SLC4A4: variants seen among roughly 807,000 people sequenced by gnomAD.
SLC4A4 encodes the protein solute carrier family 4 member 4, also known as electrogenic sodium bicarbonate cotransporter 1.
A neutral mutation model predicts 111.5 loss-of-function variants in SLC4A4; 27 were observed. The ratio of observed to expected loss-of-function variants is 0.24; its 90% confidence interval spans 0.18 to 0.33. The LOEUF (loss-of-function observed/expected upper bound fraction) is 0.33. Among genes scored for constraint, SLC4A4 ranks in the 10% least tolerant of loss-of-function variants. SLC4A4 has a pLI of 1.00. For missense variants in SLC4A4, 909 were observed against 1,315.5 expected (o/e 0.69, Z 4.78); for synonymous variants, 443 against 463.4 (o/e 0.96, Z 0.57).
intron 3 of SLC4A4, chr4:71,301,210 G>A (rs2148840087): frequency 8.3e-6 from 2 of 241,714 alleles, no homozygotes; most frequent in East Asian, 1.5e-4. Flanking sequence ...GACCTTGGGT[G>A]GCTGGTGTAG....
intron 17 of SLC4A4, among the ~76,000 whole-genome samples, chr4:71,533,603 T>TG (rs529923492): frequency 6.2e-4 from 94 of 151,958 alleles, no homozygotes; most frequent in Non-Finnish European, 1.0e-3. Context: ...AGTTTTTTTT[T>TG]GTGATTTTCC....
chr4:71,180,488 C>G (rs1159974101), intron 2 of SLC4A4, among the ~76,000 whole-genome samples: 2 of 152,154 alleles, frequency 1.3e-5, no homozygotes, highest in Non-Finnish European at 2.9e-5. Flanking sequence ...CTACATTGAA[C>G]TCCAACAAAT....
intron 12 of SLC4A4, among the ~76,000 whole-genome samples, chr4:71,462,607 C>G (rs1445635516): frequency 6.6e-6 from 1 of 151,862 alleles, no homozygotes; most frequent in Non-Finnish European, 1.5e-5. Flanking sequence ...CAGAGTTTCT[C>G]CATGTTGGCC....
intron 13 of SLC4A4, among the ~76,000 whole-genome samples, chr4:71,472,093 C>G (rs1329496971): frequency 6.6e-6 from 1 of 151,900 alleles, no homozygotes; most frequent in African/African-American, 2.4e-5. Context: ...ATTTTTTCCT[C>G]TTCCTGGCCT....
chr4:71,167,147 T>C (rs995482691), intron 2 of SLC4A4, among the ~76,000 whole-genome samples: 6 of 152,066 alleles, frequency 3.9e-5, no homozygotes, highest in South Asian at 2.1e-4. Context: ...TCGGAATCAT[T>C]TGGAGGTTCC....
intron 1 of SLC4A4, among the ~76,000 whole-genome samples, chr4:71,226,553 A>G (rs755115317): frequency 2.0e-5 from 3 of 152,240 alleles, no homozygotes; most frequent in African/African-American, 4.8e-5. Context: ...AGAGAAAATT[A>G]TATAGTTAAA....
intron 16 of SLC4A4, among the ~76,000 whole-genome samples, chr4:71,510,006 G>A (rs1185423757): frequency 6.6e-6 from 1 of 152,102 alleles, no homozygotes; most frequent in Non-Finnish European, 1.5e-5. Flanking sequence ...TAGCACCTTA[G>A]TTTGCAGGGT....
chr4:71,560,671 C>T (rs981818016), intron 23 of SLC4A4, among the ~76,000 whole-genome samples: 17 of 151,894 alleles, frequency 1.1e-4, no homozygotes, highest in Admixed American at 1.1e-3. Context: ...TCAATGATCT[C>T]ACTTCACGTG....
At chr4:71,254,807 G>A (rs1465383986) in intron 2 of SLC4A4, among the ~76,000 whole-genome samples, 1 of 152,088 alleles carries the variant, frequency 6.6e-6, no homozygotes, top group Non-Finnish European at 1.5e-5. Context: ...GCTGAAACTG[G>A]AGGGCCCTCT....
chr4:71,359,104 T>A (rs1275816086), intron 6 of SLC4A4, among the ~76,000 whole-genome samples: 1 of 152,196 alleles, frequency 6.6e-6, no homozygotes, highest in Non-Finnish European at 1.5e-5. Flanking sequence ...AACAGATGGA[T>A]CTTGGCGGCC....
intron 16 of SLC4A4, among the ~76,000 whole-genome samples, chr4:71,501,990 C>A (rs1730979002): frequency 6.6e-6 from 1 of 151,996 alleles, no homozygotes; most frequent in Non-Finnish European, 1.5e-5. Flanking sequence ...GAGATGGAGT[C>A]TTGCTCTGTT....
Position 71,364,061 on chromosome 4 carries a change from A to G in SLC4A4, c.730+6874A>G, listed in dbSNP as rs145495433. ...ACAACACATTTTTCTCCAAGGGTCA[A>G]TCTCTCTCAGTATTTGCTGACCTAT... is the stretch of plus-strand genomic sequence containing the variant. On this transcript the variant is annotated intron_variant, in intron 6 of 25. Coordinates refer to ENST00000264485, the MANE Select transcript of SLC4A4 (RefSeq NM_001098484.3). 5.3e-3 allele frequency among the ~76,000 whole-genome samples: 804 copies of G among 152,304 alleles called. 9 individuals carry two copies. The highest frequency in any genetic ancestry group is 0.019 in the African/African-American group (769 of 41,566).
At chr4:71,347,302 G>A (rs1304128577) in intron 4 of SLC4A4, among the ~76,000 whole-genome samples, 1 of 152,026 alleles carries the variant, frequency 6.6e-6, no homozygotes, top group Non-Finnish European at 1.5e-5. Context: ...TATATTATTT[G>A]GACAGTTGAG....
intron 1 of SLC4A4, among the ~76,000 whole-genome samples, chr4:71,214,960 C>T (rs938997344): frequency 3.3e-5 from 5 of 152,202 alleles, no homozygotes; most frequent in African/African-American, 1.2e-4. Context: ...TATGATTTTG[C>T]TTTTGCTGTG....
chr4:71,250,236 A>ATATT (rs1281672594), intron 2 of SLC4A4, among the ~76,000 whole-genome samples: 2 of 152,214 alleles, frequency 1.3e-5, no homozygotes, highest in Admixed American at 6.6e-5. Context: ...AGACCAGGTT[A>ATATT]TATTAGATAA....
intron 6 of SLC4A4, among the ~76,000 whole-genome samples, chr4:71,375,857 T>A (rs191831690): frequency 2.7e-4 from 41 of 151,956 alleles, no homozygotes; most frequent in Non-Finnish European, 4.4e-4. Context: ...GTGGCGGAGA[T>A]CATGTAGCCT....
At chr4:71,315,695 A>G (rs1295031000) in intron 3 of SLC4A4, among the ~76,000 whole-genome samples, 1 of 152,192 alleles carries the variant, frequency 6.6e-6, no homozygotes, top group Non-Finnish European at 1.5e-5. Context: ...ATGAAATGTG[A>G]AAGTCTTTAA....
intron 2 of SLC4A4, among the ~76,000 whole-genome samples, chr4:71,176,140 G>T (rs552777329): frequency 1.3e-5 from 2 of 152,092 alleles, no homozygotes; most frequent in South Asian, 2.1e-4. Flanking sequence ...GAAGGAAAAC[G>T]AACAAACAGA....
chr4:71,090,371 C>T (rs1008900408), intron 1 of SLC4A4, among the ~76,000 whole-genome samples: 6 of 152,300 alleles, frequency 3.9e-5, no homozygotes, highest in Non-Finnish European at 7.3e-5. Context: ...CACCCTGCTT[C>T]GGCTCATGCT....
Sources: gnomAD v4.1 joint callset for allele counts (sites outside exome capture counted in the v4.1 genomes callset) on GRCh38, gnomAD v4.1.1 for gene constraint, MANE v1.5 for transcripts, NCBI Gene and HGNC (gene_info 2026-07-23, HGNC 2026-07-21) for gene names.